Variants in KIF25 observed in about 807,000 individuals in gnomAD.
KIF25 encodes the protein kinesin-like protein KIF25.
A neutral mutation model predicts 32.9 loss-of-function variants in KIF25; 19 were observed. The ratio of observed to expected loss-of-function variants is 0.58; its 90% confidence interval spans 0.40 to 0.85. The LOEUF (loss-of-function observed/expected upper bound fraction) is 0.85, where lower values mean the gene tolerates loss of function less well. KIF25 is among the 40% of genes least tolerant of loss of function. The probability of loss-of-function intolerance (pLI) is 0.00; values close to 1 mark genes in which losing one functional copy is unlikely to be tolerated. For synonymous variants in KIF25, 225 were observed against 213.7 expected (o/e 1.05, Z -0.46); for missense variants, 485 against 507.0 (o/e 0.96, Z 0.42).
chr6:168,022,628 T>A (rs1798802197), intron 5 of KIF25, among the ~76,000 whole-genome samples: 1 of 152,228 alleles, frequency 6.6e-6, no homozygotes, highest in South Asian at 2.1e-4. Context: ...TGTTCTATTG[T>A]GTCTGGTTCT....
Position 168,042,032 on chromosome 6 carries a change from G to A in KIF25, c.710G>A (p.Ser237Asn). The stretch of plus-strand genomic sequence containing the variant: ...ACAGAGGCAGGAAGGGCAGGAAGGA[G>A]CCGCAGAGCTTCTCAAGGGGCCTTG... ...EQTEAGRAGR[S>N]RRASQGALAP... The change falls in exon 11 of 13, where the codon AGC (serine) becomes AAC (asparagine). Residue 237 changes from serine (S) to asparagine (N), a missense_variant. By Grantham distance (46) the Ser-to-Asn change is conservative. Coordinates refer to ENST00000643607, the MANE Select transcript of KIF25 (RefSeq NM_030615.4). The A allele has an allele frequency of 6.4e-7, 1 of 1,551,534 alleles. No homozygotes were observed. Among genetic ancestry groups the A allele is most frequent in the Non-Finnish European group, 8.7e-7 (1 of 1,147,106 alleles).
At chr6:168,012,778 G>A (rs920935088) in intron 4 of KIF25, among the ~76,000 whole-genome samples, 1 of 152,126 alleles carries the variant, frequency 6.6e-6, no homozygotes, top group Non-Finnish European at 1.5e-5. Flanking sequence ...ACAGCTGCGT[G>A]ACTGCTTGGC....
At chr6:168,004,356 T>G (rs1798549937) in intron 4 of KIF25, among the ~76,000 whole-genome samples, 1 of 152,224 alleles carries the variant, frequency 6.6e-6, no homozygotes, top group Non-Finnish European at 1.5e-5. Context: ...AAGGAGGGAC[T>G]AAAGCAGATT....
Position 168,034,024 on chromosome 6 carries a change from C to A in KIF25, c.310C>A (p.Leu104Ile), listed in dbSNP as rs146732504. The A allele has an allele frequency of 7.6e-4, 1,219 of 1,614,020 alleles. No homozygotes were observed. Among genetic ancestry groups the A allele is most frequent in the Non-Finnish European group, 9.4e-4 (1,107 of 1,180,020 alleles). Residue 104 changes from leucine to isoleucine, a missense_variant, in exon 8 of 13, where the codon CTC (leucine) becomes ATC (isoleucine). Physicochemically the swap from Leu to Ile is conservative, Grantham distance 5. Around this residue, in one of 2 missense-constraint regions of KIF25, gnomAD observed 480 missense variants for 470.3 expected, o/e 1.02. Coordinates refer to ENST00000643607, the MANE Select transcript of KIF25 (RefSeq NM_030615.4). ...LGIIPRVAEELFRLILENTSR... is the reference protein window; with the variant it reads ...LGIIPRVAEEIFRLILENTSR... The stretch of plus-strand genomic sequence containing the variant: ...AATTATCCCTAGAGTGGCTGAGGAG[C>A]TCTTCAGGTACTGCCGATGGTGATG...
intron 11 of KIF25, 75 bp from the exon 12 acceptor site, chr6:168,042,486 C>T: frequency 6.5e-7 from 1 of 1,545,416 alleles, no homozygotes. Context: ...AGCCGCTCCT[C>T]CCAAGGAGCC....
intron 4 of KIF25, among the ~76,000 whole-genome samples, chr6:168,013,539 A>T (rs745375059): frequency 6.6e-6 from 1 of 151,940 alleles, no homozygotes; most frequent in Non-Finnish European, 1.5e-5. Context: ...GCTCACAGGG[A>T]TGGCTGGGGG....
At chr6:168,008,279 T>C (rs182031122) in intron 4 of KIF25, among the ~76,000 whole-genome samples, 1 of 152,322 alleles carries the variant, frequency 6.6e-6, no homozygotes, top group East Asian at 1.9e-4. Flanking sequence ...TCTAGTTTCA[T>C]TCTTCTGTAT....
In KIF25 at chr6:168,041,886, T is replaced by A. The variant is rs1033605758; in HGVS notation, c.647-83T>A. ...GGGCAGGAGGGTGCAGTTCAGAAGC[T>A]TCTCGGCTCTGACTGAGGCAAAGCA... On this transcript the variant is annotated intron_variant, in intron 10 of 12. Coordinates refer to ENST00000643607, the MANE Select transcript of KIF25 (RefSeq NM_030615.4). 1.1e-5 allele frequency: 16 copies of A among 1,393,970 alleles called. No homozygotes were observed. In the African/African-American group the frequency reaches 2.3e-4, roughly 20 times the overall value. 86.4% of individuals were successfully genotyped at this position (1,393,970 alleles called of 1,614,324 possible).
At chr6:168,037,757 G>GTTTT (rs141488216) in intron 8 of KIF25, among the ~76,000 whole-genome samples, 3,583 of 151,902 alleles carry the variant, frequency 0.024, 161 homozygotes, top group African/African-American at 0.082. Flanking sequence ...GCTGCTTTTT[G>GTTTT]TTTTGAGATG....
chr6:168,032,853 G>T (rs1190596893), intron 7 of KIF25, among the ~76,000 whole-genome samples: 1 of 152,194 alleles, frequency 6.6e-6, no homozygotes, highest in Non-Finnish European at 1.5e-5. Context: ...CGGAGATCCT[G>T]CTCTGAGGCA....
At chr6:168,035,723 G>C (rs962188879) in intron 8 of KIF25, 5 of 456,040 alleles carry the variant, frequency 1.1e-5, no homozygotes, top group Non-Finnish European at 2.2e-5. Context: ...AGTCTCGGGT[G>C]CTGTGCGTCT....
chr6:168,042,565 GTC>G lies in KIF25; in HGVS notation c.836_837del (p.Ser279TrpfsTer124). On this transcript the variant is annotated frameshift_variant, in exon 12 of 13. Coordinates refer to ENST00000643607, the MANE Select transcript of KIF25 (RefSeq NM_030615.4). LOFTEE classifies it high-confidence loss of function. ...DSAGSECVGV[S>X]GVTGLALREM... Reference sequence around the variant, plus strand: ...GTGCGTGGCGGTCCTGTCCAGGTGTGTCTGGAGTGACCGGGTTGGCCCTGAGG... The same window carrying G: ...GTGCGTGGCGGTCCTGTCCAGGTGTGTGGAGTGACCGGGTTGGCCCTGAGG... The G allele has an allele frequency of 6.2e-7, 1 of 1,613,596 alleles. No homozygotes were observed. The highest frequency in any genetic ancestry group is 8.5e-7 in the Non-Finnish European group (1 of 1,179,796).
chr6:168,041,411 AC>A (rs140551565), intron 10 of KIF25, among the ~76,000 whole-genome samples: 1,783 of 152,330 alleles, frequency 0.012, 47 homozygotes, highest in African/African-American at 0.041. Flanking sequence ...CGCTCCCGAT[AC>A]AGGGGCGGTG....
At chr6:168,007,209 G>A (rs527263656) in intron 4 of KIF25, among the ~76,000 whole-genome samples, 1 of 152,206 alleles carries the variant, frequency 6.6e-6, no homozygotes, top group African/African-American at 2.4e-5. Context: ...CCAGGAGTTC[G>A]ACACCAGCCT....
chr6:168,027,157 A>G (rs1798871518), intron 5 of KIF25, among the ~76,000 whole-genome samples: 1 of 152,140 alleles, frequency 6.6e-6, no homozygotes, highest in Non-Finnish European at 1.5e-5. Flanking sequence ...CCAGGCATAG[A>G]AAAAGGGAAA....
At chr6:168,004,446 T>TTTTTATATTGGA (rs1798551294) in intron 4 of KIF25, among the ~76,000 whole-genome samples, 2 of 152,230 alleles carry the variant, frequency 1.3e-5, no homozygotes, top group African/African-American at 4.8e-5. Context: ...TTTTGGGTGC[T>TTTTTATATTGGA]AGAACATCAA....
chr6:168,042,496 C>T (rs886682910), intron 11 of KIF25, 65 bp from the exon 12 acceptor site: 32 of 1,565,844 alleles, frequency 2.0e-5, no homozygotes, highest in East Asian at 1.4e-4. Flanking sequence ...CCCAAGGAGC[C>T]GGTTTTGCTT....
intron 8 of KIF25, chr6:168,035,891 T>G: frequency 2.4e-6 from 1 of 418,070 alleles, no homozygotes; most frequent in Middle Eastern, 5.6e-4. Flanking sequence ...ACGGACCGTG[T>G]CCTCCCTCAT....
At chr6:168,036,729 T>C (rs1799030586) in intron 8 of KIF25, among the ~76,000 whole-genome samples, 1 of 152,246 alleles carries the variant, frequency 6.6e-6, no homozygotes, top group South Asian at 2.1e-4. Context: ...GGATATGTGG[T>C]GCATTTTGCC....
Sources: allele counts gnomAD v4.1 joint callset (sites outside exome capture counted in the v4.1 genomes callset), GRCh38; gene constraint gnomAD v4.1.1; regional missense constraint gnomAD v4.1.1; transcripts MANE v1.5; gene names NCBI Gene and HGNC (gene_info 2026-07-23, HGNC 2026-07-21).